Variants in MLIP observed in about 807,000 individuals in gnomAD.
MLIP encodes the protein muscular LMNA interacting protein.
A neutral mutation model predicts 84.8 loss-of-function variants in MLIP; 79 were observed. The ratio of observed to expected loss-of-function variants is 0.93; its 90% CI spans 0.78 to 1.12. The LOEUF (loss-of-function observed/expected upper bound fraction) is 1.12, where lower values mean the gene tolerates loss of function less well. Ranked by LOEUF, MLIP falls within the 50% of genes most tolerant of loss-of-function variation. The pLI is 0.00. For missense variants in MLIP, 1,257 were observed against 1,160.6 expected (o/e 1.08, Z -1.21); for synonymous variants, 504 against 463.0 (o/e 1.09, Z -1.14).
At chr6:54,135,130 G>A (rs911153025) in intron 3 of MLIP, among the ~76,000 whole-genome samples, 7 of 152,108 alleles carry the variant, frequency 4.6e-5, no homozygotes, top group African/African-American at 1.7e-4. Flanking sequence ...TGCCCAGCTA[G>A]TAGTGTTTGG....
chr6:54,216,090 C>G, intron 11 of MLIP: 1 of 882,842 alleles, frequency 1.1e-6, no homozygotes, highest in Non-Finnish European at 1.4e-6. Flanking sequence ...TCGGTTGTTG[C>G]CATATCTAAT....
intron 1 of MLIP, among the ~76,000 whole-genome samples, chr6:54,086,208 C>T (rs1299248667): frequency 6.6e-6 from 1 of 152,142 alleles, no homozygotes; most frequent in African/African-American, 2.4e-5. Context: ...TGTACATGCT[C>T]TCTATATCTT....
rs1275735243 is a variant in MLIP at position 54,104,412 on chromosome 6, T to C, written c.64-17035T>C. 5.3e-5 allele frequency among the ~76,000 whole-genome samples: 8 copies of C among 152,326 alleles called. No homozygotes were observed. In the South Asian group the frequency reaches 1.4e-3, roughly 28 times the overall value. ...CTATGGAATCTCTGAACATGTTTTA[T>C]TAAATAGTATTCCCAACTGTTTGCT... On this transcript the variant is annotated intron_variant, in intron 1 of 12. Transcript: ENST00000274897.
intron 9 of MLIP, among the ~76,000 whole-genome samples, chr6:54,180,433 C>T (rs556780464): frequency 6.6e-6 from 1 of 152,260 alleles, no homozygotes; most frequent in African/African-American, 2.4e-5. Context: ...ACCTTTGTTT[C>T]TTTCTCTACC....
intron 9 of MLIP, among the ~76,000 whole-genome samples, chr6:54,178,222 A>T (rs1359125553): frequency 6.6e-6 from 1 of 152,126 alleles, no homozygotes. Context: ...AAAATAATAA[A>T]AAAGTACATA....
intron 1 of MLIP, among the ~76,000 whole-genome samples, chr6:54,115,171 A>T (rs1409974184): frequency 6.6e-6 from 1 of 152,178 alleles, no homozygotes; most frequent in East Asian, 1.9e-4. Context: ...AAGTGAGATC[A>T]GTAGGTGTGG....
rs767744422 is a variant in MLIP at position 54,202,234 on chromosome 6, G to A, written c.2718+1G>A. 37 of 1,508,488 alleles carry A rather than the reference G, an allele frequency of 2.5e-5. No individual in the cohort carries two copies. Among genetic ancestry groups the A allele is most frequent in the Non-Finnish European group, 3.3e-5 (37 of 1,128,838 alleles). 93.4% of individuals were successfully genotyped at this position (1,508,488 alleles called of 1,614,324 possible). On this transcript the variant is annotated splice_donor_variant, in intron 11 of 13. Transcript: ENST00000502396. LOFTEE classifies it high-confidence loss of function. ...TAACAGCGACCTCTTTTCTGAACAG[G>A]TGAGCACATACAAGAGAAAATGTTT...
At chr6:54,174,910 G>C (rs577940532) in intron 9 of MLIP, among the ~76,000 whole-genome samples, 17 of 151,968 alleles carry the variant, frequency 1.1e-4, no homozygotes, top group African/African-American at 3.6e-4. Context: ...AATTCATTCT[G>C]ATTTGATTTT....
intron 11 of MLIP, among the ~76,000 whole-genome samples, chr6:54,206,167 T>C (rs1364026736): frequency 1.3e-5 from 2 of 152,190 alleles, no homozygotes; most frequent in African/African-American, 4.8e-5. Context: ...TGTTTTCTGA[T>C]CATTTAATAT....
chr6:54,030,049 C>A (rs569278539), intron 1 of MLIP, among the ~76,000 whole-genome samples: 2 of 152,106 alleles, frequency 1.3e-5, no homozygotes, highest in East Asian at 3.9e-4. Context: ...CTGGAGAAAC[C>A]CTGGACTTGT....
At chr6:54,206,695 T>C (rs947049233) in intron 11 of MLIP, among the ~76,000 whole-genome samples, 2 of 152,194 alleles carry the variant, frequency 1.3e-5, no homozygotes, top group Non-Finnish European at 2.9e-5. Context: ...ACATTCAACT[T>C]TGATGATTAT....
chr6:54,204,756 C>A (rs1399846662), intron 11 of MLIP, among the ~76,000 whole-genome samples: 2 of 152,120 alleles, frequency 1.3e-5, no homozygotes, highest in African/African-American at 4.8e-5. Flanking sequence ...GTTTAAAGCT[C>A]TTTTTACATT....
chr6:54,094,942 G>C (rs1768108633), intron 1 of MLIP, among the ~76,000 whole-genome samples: 1 of 152,138 alleles, frequency 6.6e-6, no homozygotes, highest in Non-Finnish European at 1.5e-5. Context: ...GGGAAATGAA[G>C]AAAACAACCT....
intron 1 of MLIP, among the ~76,000 whole-genome samples, chr6:54,023,099 A>G (rs771108020): frequency 3.8e-4 from 58 of 151,900 alleles, no homozygotes; most frequent in African/African-American, 1.2e-3. Flanking sequence ...CCCGGGAGGC[A>G]GAGCTTGCAG....
intron 11 of MLIP, chr6:54,216,228 G>A (rs1383855454): frequency 1.0e-6 from 1 of 985,126 alleles, no homozygotes; most frequent in Non-Finnish European, 1.2e-6. Flanking sequence ...TTGATTTCCT[G>A]CTAAAGGGTC....
intron 1 of MLIP, among the ~76,000 whole-genome samples, chr6:54,026,238 A>T (rs529432210): frequency 6.6e-6 from 1 of 152,288 alleles, no homozygotes; most frequent in Admixed American, 6.5e-5. Context: ...GATATTAGAG[A>T]TTTGATGATT....
At chr6:54,161,771 A>T (rs1774664940) in intron 8 of MLIP, among the ~76,000 whole-genome samples, 1 of 151,986 alleles carries the variant, frequency 6.6e-6, no homozygotes, top group African/African-American at 2.4e-5. Context: ...CATATTAATT[A>T]TATTTTAGCA....
intron 1 of MLIP, among the ~76,000 whole-genome samples, chr6:54,060,410 C>T (rs918775690): frequency 6.6e-6 from 1 of 152,142 alleles, no homozygotes; most frequent in South Asian, 2.1e-4. Flanking sequence ...TTCACTGTTA[C>T]AACCAGCATT....
At chr6:54,091,189 A>T (rs1370637004) in intron 1 of MLIP, among the ~76,000 whole-genome samples, 2 of 152,168 alleles carry the variant, frequency 1.3e-5, no homozygotes, top group Non-Finnish European at 2.9e-5. Flanking sequence ...GCTTCTGTAG[A>T]GTAAACCCCT....
Sources: gnomAD v4.1 joint callset for allele counts (sites outside exome capture counted in the v4.1 genomes callset) on GRCh38, gnomAD v4.1.1 for gene constraint, MANE v1.5 for transcripts, NCBI Gene and HGNC (gene_info 2026-07-23, HGNC 2026-07-21) for gene names.